UVRAG: variants seen among roughly 807,000 people sequenced by gnomAD.
UVRAG encodes UV radiation resistance associated, also known as UV radiation resistance-associated gene protein.
A neutral mutation model predicts 78.0 loss-of-function variants in UVRAG; 19 were observed. That is an observed-to-expected ratio of 0.24 (90% CI 0.17 to 0.36). UVRAG has a LOEUF of 0.36. Among genes scored for constraint, UVRAG ranks in the 10% least tolerant of loss-of-function variants. UVRAG has a pLI of 1.00. For synonymous variants in UVRAG, 323 were observed against 324.6 expected, an observed-to-expected ratio of 1.00 and a Z score of 0.05; for missense variants, 740 against 853.8, an observed-to-expected ratio of 0.87 and a Z score of 1.66.
rs1048192966 is a variant in UVRAG at position 75,925,825 on chromosome 11, A to G, written c.593+13786A>G. Reference sequence around the variant, plus strand: ...TTGTGTTCACAATAGCCACACTACTATTGCAATTCCAATACTATTACAAGC... The same window carrying G: ...TTGTGTTCACAATAGCCACACTACTGTTGCAATTCCAATACTATTACAAGC... On this transcript the variant is annotated intron_variant, in intron 6 of 14. Transcript: ENST00000356136. Among the ~76,000 whole-genome samples, 46 of 152,200 alleles carry G rather than the reference A, an allele frequency of 3.0e-4. 1 individual carries two copies. Among genetic ancestry groups the G allele is most frequent in the Admixed American group, 2.5e-3 (38 of 15,276 alleles).
rs1380560135 is a variant in UVRAG, at chr11:75,851,867, T to G, written c.118-16T>G. 1 of 1,589,498 alleles carries G rather than the reference T, an allele frequency of 6.3e-7. No individual in the cohort carries two copies. Among genetic ancestry groups the G allele is most frequent in the African/African-American group, 1.4e-5 (1 of 73,248 alleles). On this transcript the variant is annotated splice_polypyrimidine_tract_variant and intron_variant, in intron 1 of 14. Coordinates refer to ENST00000356136, the MANE Select transcript of UVRAG (RefSeq NM_003369.4). ...AAAAATCTGAATGCCTTCTCTTTTT[T>G]GTTGTTATTTTTCAGCGGCGTCTTC...
At chr11:75,866,077 C>A (rs1158816596) in intron 3 of UVRAG, among the ~76,000 whole-genome samples, 1 of 151,920 alleles carries the variant, frequency 6.6e-6, no homozygotes, top group Non-Finnish European at 1.5e-5. Flanking sequence ...GGCAACATGG[C>A]AAAACCCCAT....
intron 4 of UVRAG, among the ~76,000 whole-genome samples, chr11:75,883,425 G>A (rs1255163704): frequency 6.8e-6 from 1 of 147,684 alleles, no homozygotes; most frequent in Non-Finnish European, 1.5e-5. Flanking sequence ...CTTAAAGCCA[G>A]ATAGAAACTT....
At chr11:76,051,038 T>C (rs1950855591) in intron 12 of UVRAG, among the ~76,000 whole-genome samples, 1 of 152,188 alleles carries the variant, frequency 6.6e-6, no homozygotes, top group African/African-American at 2.4e-5. Flanking sequence ...GTACCTGTTA[T>C]CAGCACTGTA....
intron 8 of UVRAG, among the ~76,000 whole-genome samples, chr11:75,985,597 A>G (rs72999585): frequency 0.048 from 7,319 of 152,142 alleles, 239 homozygotes; most frequent in Middle Eastern, 0.075. Context: ...TTGGAGAAAT[A>G]TTTATCTATT....
chr11:75,861,653 G>T, intron 2 of UVRAG, 93 bp from the exon 3 acceptor site: 2 of 799,904 alleles, frequency 2.5e-6, no homozygotes, highest in Non-Finnish European at 2.0e-6. Flanking sequence ...ATGTTTTACT[G>T]CAACATATGT....
rs558227362 is a variant in UVRAG, at chr11:75,982,766, C to T, written c.700-621C>T. Among the ~76,000 whole-genome samples, 8 of 152,204 alleles carry T rather than the reference C, an allele frequency of 5.3e-5. No homozygotes were observed. In the South Asian group the frequency reaches 1.5e-3, roughly 28 times the overall value. ...ATAAATGGAGCCGTATAGTGTGTGG[C>T]CTTTTAAAACTGGATTCTTTAACAT... is the stretch of plus-strand genomic sequence containing the variant. On this transcript the variant is annotated intron_variant, in intron 7 of 14. Transcript: ENST00000356136.
At chr11:75,997,769 A>T (rs923030269) in intron 8 of UVRAG, among the ~76,000 whole-genome samples, 2 of 152,244 alleles carry the variant, frequency 1.3e-5, no homozygotes, top group Non-Finnish European at 2.9e-5. Context: ...GGTTCCTGAT[A>T]GAACCATCAG....
At chr11:75,976,463 T>C (rs1457538771) in intron 7 of UVRAG, among the ~76,000 whole-genome samples, 4 of 152,328 alleles carry the variant, frequency 2.6e-5, no homozygotes, top group African/African-American at 9.6e-5. Flanking sequence ...TCTTTGTGCC[T>C]CTGGTAGAAT....
chr11:75,921,594 C>A (rs1318402005), intron 6 of UVRAG, among the ~76,000 whole-genome samples: 1 of 152,060 alleles, frequency 6.6e-6, no homozygotes, highest in Non-Finnish European at 1.5e-5. Context: ...TTGAAGAGGA[C>A]TCTCCTATAC....
chr11:76,045,200 C>G (rs905796589), intron 12 of UVRAG, among the ~76,000 whole-genome samples: 1 of 152,074 alleles, frequency 6.6e-6, no homozygotes, highest in African/African-American at 2.4e-5. Flanking sequence ...GCAGAGGTGC[C>G]AGCTGAAAAA....
intron 13 of UVRAG, among the ~76,000 whole-genome samples, chr11:76,086,102 G>T (rs754140010): frequency 6.6e-6 from 1 of 152,174 alleles, no homozygotes; most frequent in African/African-American, 2.4e-5. Context: ...AGTAACACGG[G>T]TAATTCACCT....
intron 13 of UVRAG, among the ~76,000 whole-genome samples, chr11:76,100,129 A>G (rs563901987): frequency 1.1e-4 from 17 of 152,122 alleles, no homozygotes; most frequent in Non-Finnish European, 1.9e-4. Flanking sequence ...TAAACATCCA[A>G]ATTTGGCTCT....
chr11:75,879,379 CTT>C (rs1305803671), intron 3 of UVRAG, among the ~76,000 whole-genome samples: 1 of 152,224 alleles, frequency 6.6e-6, no homozygotes, highest in African/African-American at 2.4e-5. Context: ...TGAAAGCCCA[CTT>C]ATCTGTTAAA....
intron 8 of UVRAG, among the ~76,000 whole-genome samples, chr11:75,984,749 T>A (rs1283235509): frequency 6.6e-6 from 1 of 152,248 alleles, no homozygotes; most frequent in Non-Finnish European, 1.5e-5. Flanking sequence ...ATCATATATG[T>A]ACATGTGGTG....
intron 1 of UVRAG, among the ~76,000 whole-genome samples, chr11:75,822,550 G>C (rs1159766596): frequency 6.6e-6 from 1 of 152,050 alleles, no homozygotes; most frequent in Non-Finnish European, 1.5e-5. Context: ...TGGGTCTCTG[G>C]AACTTCTTAC....
intron 13 of UVRAG, among the ~76,000 whole-genome samples, chr11:76,095,314 CT>C (rs770287779): frequency 2.0e-5 from 3 of 152,130 alleles, no homozygotes; most frequent in Non-Finnish European, 4.4e-5. Flanking sequence ...TTCCCTACTT[CT>C]GGCTTGGAAT....
rs182391314 is a variant in UVRAG at position 75,911,543 on chromosome 11, A to G, written c.508-411A>G. 747 of 163,964 alleles carry G rather than the reference A, an allele frequency of 4.6e-3. 5 individuals carry two copies. Among genetic ancestry groups the G allele is most frequent in the African/African-American group, 0.016 (682 of 41,846 alleles). The allele number at this position is 163,964 out of a possible 1,614,324, so 10.2% of individuals were successfully genotyped here. A position where few individuals can be genotyped will look rare whatever the true frequency, so the allele number is the denominator to read the frequency against. ...CAAAGTGGGTCGAGGATCCGTGTTC[A>G]TCTTTCTCTGGGGATGACTGGTCAG... On this transcript the variant is annotated intron_variant, in intron 5 of 14. Coordinates refer to ENST00000356136, the MANE Select transcript of UVRAG (RefSeq NM_003369.4).
intron 13 of UVRAG, among the ~76,000 whole-genome samples, chr11:76,066,771 G>A (rs1951196411): frequency 6.6e-6 from 1 of 152,092 alleles, no homozygotes; most frequent in Non-Finnish European, 1.5e-5. Context: ...AAAACACCCA[G>A]CCTATTTATT....
Sources: allele counts gnomAD v4.1 joint callset (sites outside exome capture counted in the v4.1 genomes callset), GRCh38; gene constraint gnomAD v4.1.1; transcripts MANE v1.5; gene names NCBI Gene and HGNC (gene_info 2026-07-23, HGNC 2026-07-21).